POMK: variants seen among roughly 807,000 people sequenced by gnomAD.
POMK encodes protein O-mannose kinase.
POMK carries 19 observed loss-of-function variants against 23.0 expected under a neutral mutation model. The ratio of observed to expected loss-of-function variants is 0.83; its 90% CI spans 0.58 to 1.21. POMK has a LOEUF of 1.21. Ranked by LOEUF, POMK falls within the 50% of genes most tolerant of loss-of-function variation. The pLI is 0.00. For missense variants in POMK, 410 were observed against 431.3 expected (o/e 0.95, Z 0.44); for synonymous variants, 173 against 171.6 (o/e 1.01, Z -0.06).
At chr8:43,095,096 C>T (rs1811306753) in intron 1 of POMK, among the ~76,000 whole-genome samples, 1 of 152,198 alleles carries the variant, frequency 6.6e-6, no homozygotes, top group African/African-American at 2.4e-5. Context: ...CAGGGTACCC[C>T]AGCCCAGCCC....
chr8:43,117,703 C>T (rs1586678758), intron 4 of POMK, among the ~76,000 whole-genome samples: 1 of 152,286 alleles, frequency 6.6e-6, no homozygotes, highest in East Asian at 1.9e-4. Flanking sequence ...TATTAGTAAT[C>T]AGGGAAATAC....
chr8:43,098,407 A>C (rs1222406692), intron 2 of POMK, among the ~76,000 whole-genome samples: 1 of 152,230 alleles, frequency 6.6e-6, no homozygotes, highest in Non-Finnish European at 1.5e-5. Context: ...TTCACTGAGC[A>C]TGATGTTTCC....
intron 4 of POMK, among the ~76,000 whole-genome samples, chr8:43,108,370 A>G (rs539461407): frequency 3.4e-4 from 52 of 152,394 alleles, no homozygotes; most frequent in Non-Finnish European, 6.6e-4. Context: ...TTACAAAAGA[A>G]AACAGATTCT....
At chr8:43,121,172 A>C (rs1811910511) in intron 4 of POMK, among the ~76,000 whole-genome samples, 1 of 152,198 alleles carries the variant, frequency 6.6e-6, no homozygotes. Flanking sequence ...AATGCAAAAA[A>C]CTGCTTTGGA....
intron 4 of POMK, among the ~76,000 whole-genome samples, chr8:43,106,203 G>A (rs1185202110): frequency 1.3e-5 from 2 of 152,092 alleles, no homozygotes; most frequent in Admixed American, 1.3e-4. Flanking sequence ...GGGGTGAGAT[G>A]GTATCTCATT....
At chr8:43,113,614 A>G (rs912370761) in intron 4 of POMK, among the ~76,000 whole-genome samples, 1 of 152,220 alleles carries the variant, frequency 6.6e-6, no homozygotes, top group Admixed American at 6.5e-5. Flanking sequence ...TGAACTCGTC[A>G]AAGTCATTCT....
At chr8:43,119,413 G>A (rs533946223) in intron 4 of POMK, among the ~76,000 whole-genome samples, 50 of 149,736 alleles carry the variant, frequency 3.3e-4, no homozygotes, top group Non-Finnish European at 4.4e-4. Context: ...AGTGCATGTA[G>A]CAGCCAGAGT....
intron 4 of POMK, among the ~76,000 whole-genome samples, chr8:43,115,361 G>A (rs1279370205): frequency 6.6e-6 from 1 of 152,098 alleles, no homozygotes; most frequent in Non-Finnish European, 1.5e-5. Context: ...TACCCGACAT[G>A]TACCTGGGGT....
rs969508258 is a variant in POMK at position 43,123,177 on chromosome 8, C to T, written c.*300C>T. On this transcript the variant is annotated 3_prime_UTR_variant, in exon 5 of 5. Transcript: ENST00000331373. ...GTTCAAGCAATTCTCCCACCTCAGCCTCCTGAGTAGCTGGGATTACAGGCA... is the reference window on the plus strand; with the variant it reads ...GTTCAAGCAATTCTCCCACCTCAGCTTCCTGAGTAGCTGGGATTACAGGCA... 8.0e-6 allele frequency: 2 copies of T among 250,960 alleles called. No homozygotes were observed. The highest frequency in any genetic ancestry group is 1.5e-5 in the Non-Finnish European group (2 of 130,150). 15.5% of individuals were successfully genotyped at this position (250,960 alleles called of 1,614,324 possible). A position where few individuals can be genotyped will look rare whatever the true frequency, so the allele number is the denominator to read the frequency against.
intron 4 of POMK, among the ~76,000 whole-genome samples, chr8:43,116,133 A>G (rs146621551): frequency 5.9e-5 from 9 of 152,104 alleles, no homozygotes; most frequent in African/African-American, 2.2e-4. Context: ...TACATTTCCT[A>G]TTTACTTTAT....
In POMK at chr8:43,122,450, C is replaced by T. The variant is rs369093146; in HGVS notation, c.626C>T (p.Pro209Leu). 1.2e-4 allele frequency: 191 copies of T among 1,613,984 alleles called. No homozygotes were observed. Among genetic ancestry groups the T allele is most frequent in the Admixed American group, 1.5e-4 (9 of 59,998 alleles). Reference sequence around the variant, plus strand: ...GTCATGTGCGACTCCAACGACCTGCCGAAGACACTGTCCCAGTATCTGCTA... The same window carrying T: ...GTCATGTGCGACTCCAACGACCTGCTGAAGACACTGTCCCAGTATCTGCTA... ...TRVMCDSNDL[P>L]KTLSQYLLTS... Residue 209 changes from proline (P) to leucine (L), a missense_variant, in exon 5 of 5, where the codon CCG becomes CTG. Transcript: ENST00000331373.
intron 4 of POMK, among the ~76,000 whole-genome samples, chr8:43,113,994 GC>G (rs1435976454): frequency 1.3e-5 from 2 of 152,194 alleles, no homozygotes; most frequent in Non-Finnish European, 1.5e-5. Context: ...GGAGTACCCG[GC>G]CCCGTGAGGT....
rs149751093 is a variant in POMK, at chr8:43,109,937, T to A, written c.282+6107T>A. 1.7e-3 allele frequency among the ~76,000 whole-genome samples: 254 copies of A among 152,388 alleles called. 3 individuals carry two copies. The highest frequency in any genetic ancestry group is 0.015 in the Admixed American group (231 of 15,310). On this transcript the variant is annotated intron_variant, in intron 4 of 4. Transcript: ENST00000331373. ...GTTTTAAGAAAACTCTGTTGTGCTT[T>A]TATTCCAATTTCCAATTTATGGAAA...
At chr8:43,114,780 C>A (rs920906409) in intron 4 of POMK, among the ~76,000 whole-genome samples, 1 of 152,110 alleles carries the variant, frequency 6.6e-6, no homozygotes. Flanking sequence ...GATTTTTAAA[C>A]CCAAGATTAC....
In POMK at chr8:43,123,361, T is replaced by A. The variant is rs1811964158; in HGVS notation, c.*484T>A. 1 of 153,784 alleles carries A rather than the reference T, an allele frequency of 6.5e-6. No homozygotes were observed. Among genetic ancestry groups the A allele is most frequent in the East Asian group, 1.9e-4 (1 of 5,210 alleles). The allele number at this position is 153,784 out of a possible 1,614,324, so 9.5% of individuals were successfully genotyped here. A position where few individuals can be genotyped will look rare whatever the true frequency, so the allele number is the denominator to read the frequency against. On this transcript the variant is annotated 3_prime_UTR_variant, in exon 5 of 5. Transcript: ENST00000331373. Reference sequence around the variant, plus strand: ...GGCCAGTTGTTAGATTTCCATGGATTTGTAGTTTCCAAAGTTTCTCGTTAT... The same window carrying A: ...GGCCAGTTGTTAGATTTCCATGGATATGTAGTTTCCAAAGTTTCTCGTTAT...
intron 2 of POMK, 141 bp from the exon 3 acceptor site, chr8:43,102,364 G>C (rs1586671039): frequency 6.6e-6 from 1 of 152,564 alleles, no homozygotes; most frequent in African/African-American, 2.4e-5. Flanking sequence ...CTCTGTCCTG[G>C]GGCTTGAGAA....
chr8:43,122,988 T>C lies in POMK; in HGVS notation c.*111T>C, dbSNP rs1465629049. Reference sequence around the variant, plus strand: ...GTTTCGTGTTTTATTGTTTTTTTTATGGCTTAGCCATGTGGTTCGTTGTCC... The same window carrying C: ...GTTTCGTGTTTTATTGTTTTTTTTACGGCTTAGCCATGTGGTTCGTTGTCC... On this transcript the variant is annotated 3_prime_UTR_variant, in exon 5 of 5. Coordinates refer to ENST00000331373, the MANE Select transcript of POMK (RefSeq NM_032237.5). The C allele has an allele frequency of 1.9e-5, 18 of 955,122 alleles. No individual in the cohort carries two copies. The highest frequency in any genetic ancestry group is 2.8e-5 in the Non-Finnish European group (18 of 643,428). 59.2% of individuals were successfully genotyped at this position (955,122 alleles called of 1,614,324 possible). A position where few individuals can be genotyped will look rare whatever the true frequency, so the allele number is the denominator to read the frequency against.
In POMK at chr8:43,122,144, T is replaced by C; in HGVS notation, c.320T>C (p.Leu107Pro). Residue 107 changes from leucine to proline, a missense_variant, in exon 5 of 5, where the codon CTC (leucine) becomes CCC (proline). Physicochemically the swap from Leu to Pro is moderately conservative, Grantham distance 98. Coordinates refer to ENST00000331373, the MANE Select transcript of POMK (RefSeq NM_032237.5). ...GAGTGGAAGGAGCACAAAGTTGCACTCTCACAGCTCACCAGCCTGGAGATG... is the reference window on the plus strand; with the variant it reads ...GAGTGGAAGGAGCACAAAGTTGCACCCTCACAGCTCACCAGCCTGGAGATG... ...LSEWKEHKVALSQLTSLEMKD... is the reference protein window; with the variant it reads ...LSEWKEHKVAPSQLTSLEMKD... 1.9e-6 allele frequency: 3 copies of C among 1,614,212 alleles called. No individual in the cohort carries two copies. The highest frequency in any genetic ancestry group is 1.3e-5 in the African/African-American group (1 of 75,066).
chr8:43,100,559 A>C (rs1811418421), intron 2 of POMK, among the ~76,000 whole-genome samples: 1 of 151,312 alleles, frequency 6.6e-6, no homozygotes. Flanking sequence ...TGGGGTGCTT[A>C]TGGAGGGGAG....
Sources: allele counts gnomAD v4.1 joint callset (sites outside exome capture counted in the v4.1 genomes callset), GRCh38; gene constraint gnomAD v4.1.1; transcripts MANE v1.5; gene names NCBI Gene and HGNC (gene_info 2026-07-23, HGNC 2026-07-21).